The following ZSWIM2 variants were observed in gnomAD, a reference collection of about 807,000 sequenced individuals.
ZSWIM2 encodes the protein zinc finger SWIM-type containing 2.
ZSWIM2 carries 38 observed loss-of-function variants against 48.4 expected under a neutral mutation model. That is an observed-to-expected ratio of 0.79 (90% CI 0.61 to 1.03). The LOEUF (loss-of-function observed/expected upper bound fraction) is 1.03, where lower values mean the gene tolerates loss of function less well. Ranked by LOEUF, ZSWIM2 falls within the 50% of genes least tolerant of loss-of-function variation. The pLI, the probability that ZSWIM2 is intolerant of heterozygous loss-of-function variation, is 0.00. For missense variants in ZSWIM2, 776 were observed against 730.2 expected, an observed-to-expected ratio of 1.06 and a Z score of -0.72; for synonymous variants, 240 against 251.3, an observed-to-expected ratio of 0.96 and a Z score of 0.42.
In ZSWIM2 at chr2:186,846,806, C is replaced by CATATATATATATATATATAT. The variant is rs1388154833; in HGVS notation, c.242+912_242+913insATATATATATATATATATAT. 5.6e-3 allele frequency among the ~76,000 whole-genome samples: 243 copies of CATATATATATATATATATAT among 43,202 alleles called. 1 individual carries two copies. The highest frequency in any genetic ancestry group is 0.02 in the African/African-American group (228 of 11,148). 28.3% of individuals were successfully genotyped at this position (43,202 alleles called of 152,430 possible). On this transcript the variant is annotated intron_variant, in intron 2 of 8. Transcript: ENST00000295131. ...ATAAACATATATATATACACACACA[C>CATATATATATATATATATAT]ACACATATATATATATATATAATGT...
chr2:186,845,162 G>A (rs1380747853), intron 2 of ZSWIM2, among the ~76,000 whole-genome samples: 5 of 148,912 alleles, frequency 3.4e-5, no homozygotes, highest in African/African-American at 7.6e-5. Flanking sequence ...CCTCTCTAAC[G>A]CATGATATAA....
At position 186,839,078 on chromosome 2, in the gene ZSWIM2, G is replaced by A. The variant is rs375309570; in HGVS notation, c.375C>T (p.Asp125=). The stretch of plus-strand genomic sequence containing the variant: ...CATCTTCTTCAACATGTTCATTTTC[G>A]TCATTTGTTCCTGGTTGGGGAGTTT... ...RVQTPQPGTN[D]ENEHVEEDGY... Residue 125 remains aspartate, a synonymous_variant, in exon 4 of 9, where the codon GAC becomes GAT. Transcript: ENST00000295131. 2.3e-5 allele frequency: 37 copies of A among 1,611,124 alleles called. No individual in the cohort carries two copies. Among genetic ancestry groups the A allele is most frequent in the Non-Finnish European group, 2.9e-5 (34 of 1,178,264 alleles).
chr2:186,829,960 CT>C, intron 7 of ZSWIM2, 80 bp from the exon 8 acceptor site: 1 of 1,433,936 alleles, frequency 7.0e-7, no homozygotes, highest in Non-Finnish European at 9.6e-7. Context: ...GGTAAATAGT[CT>C]CTATATAAAT....
chr2:186,830,995 C>T (rs1691689122), intron 7 of ZSWIM2, among the ~76,000 whole-genome samples: 1 of 152,112 alleles, frequency 6.6e-6, no homozygotes, highest in Admixed American at 6.6e-5. Context: ...CCTCTAATTT[C>T]AATTAAAATG....
intron 5 of ZSWIM2, among the ~76,000 whole-genome samples, chr2:186,834,740 G>T (rs984388158): frequency 6.6e-6 from 1 of 152,010 alleles, no homozygotes; most frequent in Admixed American, 6.6e-5. Context: ...AACAAACAAC[G>T]TAGCATCTCT....
intron 8 of ZSWIM2, 69 bp from the exon 9 acceptor site, chr2:186,828,859 C>G: frequency 1.1e-6 from 1 of 929,344 alleles, no homozygotes; most frequent in Non-Finnish European, 1.4e-6. Flanking sequence ...AGTAAATTTC[C>G]CCCAGTTTCA....
At position 186,841,736 on chromosome 2, in the gene ZSWIM2, T is replaced by C. The variant is rs189047468; in HGVS notation, c.284-2567A>G. On this transcript the variant is annotated intron_variant, in intron 3 of 8. Transcript: ENST00000295131. ...ATAGCATGAAAATATAAGGTAACAGTGTGATAAAAGCAGAACACAGAATTC... is the reference window on the plus strand; with the variant it reads ...ATAGCATGAAAATATAAGGTAACAGCGTGATAAAAGCAGAACACAGAATTC... 3.8e-4 allele frequency among the ~76,000 whole-genome samples: 58 copies of C among 151,356 alleles called. 1 individual carries two copies. Among genetic ancestry groups the C allele is most frequent in the African/African-American group, 1.3e-3 (55 of 41,478 alleles).
intron 7 of ZSWIM2, among the ~76,000 whole-genome samples, chr2:186,830,606 G>A (rs1389018232): frequency 6.6e-6 from 1 of 151,872 alleles, no homozygotes; most frequent in South Asian, 2.1e-4. Context: ...AATATTCCAG[G>A]CTACTATGAT....
At chr2:186,839,843 T>C (rs889906105) in intron 3 of ZSWIM2, among the ~76,000 whole-genome samples, 1 of 151,638 alleles carries the variant, frequency 6.6e-6, no homozygotes, top group African/African-American at 2.4e-5. Context: ...GCCTATAGTA[T>C]TGATCAGGGA....
At chr2:186,835,884 T>C (rs900229215) in intron 5 of ZSWIM2, among the ~76,000 whole-genome samples, 3 of 152,098 alleles carry the variant, frequency 2.0e-5, no homozygotes, top group Non-Finnish European at 2.9e-5. Flanking sequence ...GAGGAGAAGT[T>C]ATGAGACAAG....
At chr2:186,830,594 TA>T (rs1432552197) in intron 7 of ZSWIM2, among the ~76,000 whole-genome samples, 2 of 152,082 alleles carry the variant, frequency 1.3e-5, no homozygotes, top group African/African-American at 4.8e-5. Flanking sequence ...TAAGCCACAT[TA>T]AATATTCCAG....
rs188840579 is a variant in ZSWIM2, at chr2:186,834,016, A to G, written c.758T>C (p.Ile253Thr). 1.0e-4 allele frequency: 164 copies of G among 1,611,712 alleles called. 5 individuals carry two copies. In the Admixed American group the frequency reaches 2.7e-3, roughly 27 times the overall value. Residue 253 changes from isoleucine (I) to threonine (T), a missense_variant, in exon 6 of 9, where the codon ATA (isoleucine) becomes ACA (threonine). Ile to Thr is a moderately conservative substitution (Grantham distance 89). Coordinates refer to ENST00000295131, the MANE Select transcript of ZSWIM2 (RefSeq NM_182521.3). ...EGKCYKCTEC[I>T]EYHLCQECFD... ...ACATTCCTGGCATAAGTGATATTCT[A>G]TGCATTCGGTACACCTAAAAATACA...
chr2:186,831,998 C>G (rs2105816442), intron 7 of ZSWIM2, among the ~76,000 whole-genome samples: 1 of 152,210 alleles, frequency 6.6e-6, no homozygotes, highest in East Asian at 1.9e-4. Context: ...ACGTTGTGCA[C>G]ATGTACCCTA....
At chr2:186,839,452 G>A (rs181721680) in intron 3 of ZSWIM2, among the ~76,000 whole-genome samples, 55 of 151,732 alleles carry the variant, frequency 3.6e-4, no homozygotes, top group African/African-American at 1.3e-3. Flanking sequence ...TTGGATTGGT[G>A]TTACAATCAT....
At chr2:186,834,236 A>T (rs555331262) in intron 5 of ZSWIM2, among the ~76,000 whole-genome samples, 1 of 152,292 alleles carries the variant, frequency 6.6e-6, no homozygotes, top group Non-Finnish European at 1.5e-5. Flanking sequence ...ATTATCTTAC[A>T]GTTCCATTGG....
intron 4 of ZSWIM2, among the ~76,000 whole-genome samples, chr2:186,838,717 T>C (rs903366151): frequency 2.0e-5 from 3 of 147,064 alleles, no homozygotes; most frequent in African/African-American, 7.4e-5. Flanking sequence ...TATATATTTC[T>C]ATGATATATA....
chr2:186,845,680 G>C (rs1253962723), intron 2 of ZSWIM2, among the ~76,000 whole-genome samples: 5 of 151,284 alleles, frequency 3.3e-5, no homozygotes, highest in Non-Finnish European at 7.4e-5. Flanking sequence ...TAATTTGTTA[G>C]TATGAGTATA....
At chr2:186,848,836 G>C (rs1242031765) in intron 1 of ZSWIM2, 130 bp downstream of exon 1, 1 of 1,159,054 alleles carries the variant, frequency 8.6e-7, no homozygotes. Flanking sequence ...TCGTGGGAAG[G>C]CGCTTTCGGG....
intron 3 of ZSWIM2, among the ~76,000 whole-genome samples, chr2:186,842,938 T>C (rs1029836331): frequency 7.3e-5 from 11 of 151,518 alleles, no homozygotes; most frequent in Non-Finnish European, 8.9e-5. Context: ...ATTGAAAATA[T>C]AGTGTCAGAG....
Sources: allele counts gnomAD v4.1 joint callset (sites outside exome capture counted in the v4.1 genomes callset), GRCh38; gene constraint gnomAD v4.1.1; transcripts MANE v1.5; gene names NCBI Gene and HGNC (gene_info 2026-07-23, HGNC 2026-07-21).